PCDHA2: variants seen among roughly 807,000 people sequenced by gnomAD.
PCDHA2 encodes protocadherin alpha-2.
Under a neutral mutation model 66.0 loss-of-function variants are expected in PCDHA2, and 58 were observed. The observed-to-expected ratio is 0.88, with a 90% CI of 0.71 to 1.09. The LOEUF is 1.09. Among genes scored for constraint, PCDHA2 ranks in the 50% least tolerant of loss-of-function variants. The pLI is 0.00. For synonymous variants in PCDHA2, 634 were observed against 554.0 expected, an observed-to-expected ratio of 1.14 and a Z score of -2.03; for missense variants, 1,267 against 1,242.3, an observed-to-expected ratio of 1.02 and a Z score of -0.30.
At chr5:140,902,729 C>T (rs1554190627) in intron 1 of PCDHA2, among the ~76,000 whole-genome samples, 1 of 152,068 alleles carries the variant, frequency 6.6e-6, no homozygotes, top group East Asian at 1.9e-4. Flanking sequence ...CCCTTCCCTC[C>T]AAGTCCCCCA....
At chr5:140,929,357 G>A (rs1554207016) in intron 1 of PCDHA2, 14 of 1,523,448 alleles carry the variant, frequency 9.2e-6, no homozygotes, top group Non-Finnish European at 1.2e-5. Flanking sequence ...TGATTCCTTT[G>A]GCCCGGAGAT....
intron 1 of PCDHA2, among the ~76,000 whole-genome samples, chr5:140,961,681 G>A (rs911141843): frequency 3.9e-5 from 6 of 152,152 alleles, no homozygotes; most frequent in African/African-American, 9.7e-5. Context: ...TAATTAAGCC[G>A]GAGTAGTCCT....
chr5:140,838,075 ATAGTGTGTGTGTGTGT>A (rs1457596432), intron 1 of PCDHA2, among the ~76,000 whole-genome samples: 1,771 of 128,230 alleles, frequency 0.014, 43 homozygotes, highest in African/African-American at 0.016. Flanking sequence ...TTATATATAT[ATAGTGTGTGTGTGTGT>A]GTGTGTGTGT....
At chr5:140,849,952 A>G (rs1413987636) in intron 1 of PCDHA2, 1 of 1,597,826 alleles carries the variant, frequency 6.3e-7, no homozygotes, top group Non-Finnish European at 8.6e-7. Context: ...GACGCGCAGG[A>G]GAACGCCCTG....
At chr5:140,861,605 T>C in intron 1 of PCDHA2, 2 of 362,576 alleles carry the variant, frequency 5.5e-6, no homozygotes, top group Non-Finnish European at 1.1e-5. Context: ...TGAAGAACAA[T>C]AAAGACAACC....
At chr5:140,835,560 G>T (rs2150238266) in intron 1 of PCDHA2, 1 of 1,613,902 alleles carries the variant, frequency 6.2e-7, no homozygotes, top group South Asian at 1.1e-5. Flanking sequence ...GACGCCCCGC[G>T]TTCCCTTCAA....
intron 1 of PCDHA2, among the ~76,000 whole-genome samples, chr5:140,953,994 A>G (rs1464982369): frequency 6.6e-6 from 1 of 151,886 alleles, no homozygotes; most frequent in Non-Finnish European, 1.5e-5. Flanking sequence ...TTTCATGTGT[A>G]CTCATCATTC....
chr5:141,000,389 C>A (rs868958582), intron 3 of PCDHA2, among the ~76,000 whole-genome samples: 168 of 62,538 alleles, frequency 2.7e-3, no homozygotes, highest in Non-Finnish European at 3.7e-3. Flanking sequence ...CTCTCTCTCT[C>A]TCTCTCTATA....
At chr5:140,807,302 G>A (rs189135254) in intron 1 of PCDHA2, 127 of 1,614,152 alleles carry the variant, frequency 7.9e-5, no homozygotes, top group Non-Finnish European at 5.1e-6. Flanking sequence ...CTCCGAGGAG[G>A]CCAAACACGG....
At chr5:140,856,020 G>T in intron 1 of PCDHA2, 4 of 1,553,378 alleles carry the variant, frequency 2.6e-6, no homozygotes, top group South Asian at 1.2e-5. Context: ...CCGCTGATTC[G>T]TCGATTTGTA....
At chr5:140,831,488 T>C (rs370733379) in intron 1 of PCDHA2, among the ~76,000 whole-genome samples, 1 of 148,694 alleles carries the variant, frequency 6.7e-6, no homozygotes, top group African/African-American at 2.5e-5. Context: ...GCCTCTGGAG[T>C]TACTACACAC....
At chr5:140,997,816 T>C (rs1363819907) in intron 3 of PCDHA2, among the ~76,000 whole-genome samples, 1 of 152,232 alleles carries the variant, frequency 6.6e-6, no homozygotes, top group African/African-American at 2.4e-5. Flanking sequence ...TGTTGGTATC[T>C]ATGTTTTCTA....
In PCDHA2 at chr5:141,009,850, C is replaced by A; in HGVS notation, c.2760C>A (p.Thr920=). The A allele has an allele frequency of 1.2e-6, 2 of 1,613,572 alleles. No individual in the cohort carries two copies. Among genetic ancestry groups the A allele is most frequent in the Non-Finnish European group, 1.7e-6 (2 of 1,179,906 alleles). ...DFITFGKKEE[T]KKKKKKKKGN... ...TAACCTTCGGCAAAAAGGAGGAGAC[C>A]AAGAAAAAGAAGAAAAAGAAGAAGG... The change falls in exon 4 of 4, where the codon ACC becomes ACA. Residue 920 remains threonine (T), a synonymous_variant. Coordinates refer to ENST00000526136, the MANE Select transcript of PCDHA2 (RefSeq NM_018905.3).
intron 1 of PCDHA2, chr5:140,843,829 G>C: frequency 8.5e-7 from 1 of 1,170,244 alleles, no homozygotes; most frequent in Non-Finnish European, 1.2e-6. Context: ...TTTAAACATT[G>C]TTTAGTTTTT....
intron 1 of PCDHA2, among the ~76,000 whole-genome samples, chr5:140,907,985 A>T (rs1377305456): frequency 2.6e-5 from 4 of 152,178 alleles, no homozygotes; most frequent in East Asian, 1.9e-4. Flanking sequence ...GCTTCTTCCA[A>T]GTCCTTAACC....
intron 1 of PCDHA2, among the ~76,000 whole-genome samples, chr5:140,845,801 G>C (rs1219755602): frequency 1.3e-5 from 2 of 149,630 alleles, no homozygotes; most frequent in African/African-American, 4.9e-5. Flanking sequence ...TCTGGCAAGT[G>C]ATAGGTACAT....
intron 1 of PCDHA2, among the ~76,000 whole-genome samples, chr5:140,970,537 GT>G (rs111648801): frequency 0.029 from 4,476 of 152,214 alleles, 218 homozygotes; most frequent in African/African-American, 0.1. Flanking sequence ...ATGTGTGTGT[GT>G]TTGTGTTGTG....
In PCDHA2 at chr5:140,807,584, T is replaced by A. The variant is rs76522243; in HGVS notation, c.2388+10232T>A. On this transcript the variant is annotated intron_variant, in intron 1 of 3. Transcript: ENST00000526136. ...GGACATTAACGATAACCCGCCGGTGTTCCCAGCAACACAAAAGAACCTGTC... is the reference window on the plus strand; with the variant it reads ...GGACATTAACGATAACCCGCCGGTGATCCCAGCAACACAAAAGAACCTGTC... 283 of 1,614,132 alleles carry A rather than the reference T, an allele frequency of 1.8e-4. No individual in the cohort carries two copies. The African/African-American group carries it at 2.4e-3, about 14-fold the overall frequency.
At chr5:140,986,052 C>A (rs896963006) in intron 3 of PCDHA2, among the ~76,000 whole-genome samples, 3 of 152,066 alleles carry the variant, frequency 2.0e-5, no homozygotes, top group Admixed American at 1.3e-4. Flanking sequence ...CTGATGAATT[C>A]TTTTGCTTTT....
Sources: gnomAD v4.1 joint callset for allele counts (sites outside exome capture counted in the v4.1 genomes callset) on GRCh38, gnomAD v4.1.1 for gene constraint, MANE v1.5 for transcripts, NCBI Gene and HGNC (gene_info 2026-07-23, HGNC 2026-07-21) for gene names.